The following SNX10 variants were observed in gnomAD, a reference collection of about 807,000 sequenced individuals.
The protein encoded by SNX10 is sorting nexin-10.
In SNX10, 25 loss-of-function variants were observed where a neutral mutation model predicts 28.5. That is an observed-to-expected ratio of 0.88 (90% CI 0.64 to 1.22). SNX10 has a LOEUF of 1.22. Ranked by LOEUF, SNX10 falls within the 50% of genes most tolerant of loss-of-function variation. The pLI is 0.00. For synonymous variants in SNX10, 62 were observed against 81.4 expected, an observed-to-expected ratio of 0.76 and a Z score of 1.28; for missense variants, 223 against 242.6, an observed-to-expected ratio of 0.92 and a Z score of 0.54.
chr7:26,372,975 T>C lies in SNX10; in HGVS notation c.*403T>C, dbSNP rs1460961833. Reference sequence around the variant, plus strand: ...AGTGTTACCATAAACACGGTGTATATGTTGTTAAACCCTATGAAGAGTAAC... The same window carrying C: ...AGTGTTACCATAAACACGGTGTATACGTTGTTAAACCCTATGAAGAGTAAC... On this transcript the variant is annotated 3_prime_UTR_variant, in exon 7 of 7. Coordinates refer to ENST00000338523, the MANE Select transcript of SNX10 (RefSeq NM_013322.3). 5.6e-6 allele frequency: 1 copy of C among 179,308 alleles called. No homozygotes were observed. The highest frequency in any genetic ancestry group is 1.2e-5 in the Non-Finnish European group (1 of 84,322). 11.1% of individuals were successfully genotyped at this position (179,308 alleles called of 1,614,324 possible). A position where few individuals can be genotyped will look rare whatever the true frequency, so the allele number is the denominator to read the frequency against.
chr7:26,351,924 G>A (rs1166276660), intron 2 of SNX10, among the ~76,000 whole-genome samples: 2 of 152,042 alleles, frequency 1.3e-5, no homozygotes, highest in African/African-American at 4.8e-5. Flanking sequence ...CCAAAGTGCT[G>A]GGATTACAGG....
intron 1 of SNX10, among the ~76,000 whole-genome samples, chr7:26,305,457 G>A (rs1214347007): frequency 6.6e-6 from 1 of 152,202 alleles, no homozygotes; most frequent in African/African-American, 2.4e-5. Context: ...GTTTGGAAGA[G>A]CTGGGGAGAA....
intron 2 of SNX10, among the ~76,000 whole-genome samples, chr7:26,347,516 G>A (rs1041903841): frequency 1.3e-5 from 2 of 152,128 alleles, no homozygotes; most frequent in Non-Finnish European, 2.9e-5. Flanking sequence ...CTTCAGCCCC[G>A]GCGACAGAGC....
At chr7:26,341,110 C>T (rs1304093036) in intron 1 of SNX10, among the ~76,000 whole-genome samples, 1 of 152,008 alleles carries the variant, frequency 6.6e-6, no homozygotes, top group Non-Finnish European at 1.5e-5. Context: ...CCAGCCTGGG[C>T]AACATAGGGA....
At chr7:26,304,536 C>T (rs1363948601) in intron 1 of SNX10, among the ~76,000 whole-genome samples, 3 of 152,114 alleles carry the variant, frequency 2.0e-5, no homozygotes, top group Non-Finnish European at 4.4e-5. Flanking sequence ...GGGGTGTGGG[C>T]AGATGGGAGA....
At chr7:26,366,812 T>C (rs546965165) in intron 5 of SNX10, among the ~76,000 whole-genome samples, 2 of 152,394 alleles carry the variant, frequency 1.3e-5, no homozygotes, top group Non-Finnish European at 2.9e-5. Flanking sequence ...TTCGTTGTTT[T>C]GAACACAACC....
chr7:26,337,793 T>G lies in SNX10; in HGVS notation c.-23-8627T>G, dbSNP rs552962883. ...GGATGTGGACCCACAAATAGCTCTT[T>G]GAGAGCCTGCTTTCAGCTCTTTTGG... On this transcript the variant is annotated intron_variant, in intron 1 of 6. Coordinates refer to ENST00000338523, the MANE Select transcript of SNX10 (RefSeq NM_013322.3). 2.0e-5 allele frequency among the ~76,000 whole-genome samples: 3 copies of G among 152,350 alleles called. No individual in the cohort carries two copies. The East Asian group carries it at 5.8e-4, about 29-fold the overall frequency.
At chr7:26,324,461 G>A (rs1787425775) in intron 1 of SNX10, among the ~76,000 whole-genome samples, 1 of 152,168 alleles carries the variant, frequency 6.6e-6, no homozygotes, top group South Asian at 2.1e-4. Flanking sequence ...TCTGTCTCAC[G>A]TGATCTTCCC....
chr7:26,352,773 G>A (rs985819719), intron 2 of SNX10, among the ~76,000 whole-genome samples: 1 of 152,054 alleles, frequency 6.6e-6, no homozygotes, highest in Non-Finnish European at 1.5e-5. Context: ...TATATACTTG[G>A]TTGTTCTAAT....
intron 1 of SNX10, among the ~76,000 whole-genome samples, chr7:26,335,401 G>A (rs536787420): frequency 1.3e-5 from 2 of 152,264 alleles, no homozygotes; most frequent in East Asian, 3.9e-4. Context: ...GTTCAAGTAC[G>A]AGGAGGGAGC....
chr7:26,365,000 C>CACCTTAGTTA lies in SNX10; in HGVS notation c.213-42_213-41insAGTTAACCTT. The CACCTTAGTTA allele has an allele frequency of 8.7e-7, 1 of 1,145,262 alleles. No homozygotes were observed. The highest frequency in any genetic ancestry group is 1.3e-6 in the Non-Finnish European group (1 of 756,478). 70.9% of individuals were successfully genotyped at this position (1,145,262 alleles called of 1,614,324 possible). ...CTTTGAGGGATTTCTGTAACAGAAGCACCTTGAGTTAATCATTTAAAAACA... is the reference window on the plus strand; with the variant it reads ...CTTTGAGGGATTTCTGTAACAGAAGCACCTTAGTTAACCTTGAGTTAATCATTTAAAAACA... On this transcript the variant is annotated intron_variant, in intron 4 of 6. Transcript: ENST00000338523. This position sits in a 1 kb window ranked among gnomAD's most constrained non-coding sequence, Gnocchi z 4.9.
intron 5 of SNX10, among the ~76,000 whole-genome samples, chr7:26,369,889 T>C (rs1279794697): frequency 6.6e-6 from 1 of 152,218 alleles, no homozygotes; most frequent in Non-Finnish European, 1.5e-5. Context: ...GTTAAGTTAC[T>C]AGCAAGTTAA....
intron 1 of SNX10, among the ~76,000 whole-genome samples, chr7:26,344,317 G>A (rs150053060): frequency 6.6e-5 from 10 of 152,040 alleles, no homozygotes; most frequent in African/African-American, 1.7e-4. Context: ...GACCACGGGC[G>A]TGCCATGACT....
At chr7:26,316,747 G>C (rs941520301) in intron 1 of SNX10, among the ~76,000 whole-genome samples, 1 of 152,166 alleles carries the variant, frequency 6.6e-6, no homozygotes, top group African/African-American at 2.4e-5. Flanking sequence ...AGCAGGATTT[G>C]AGCCCAGGGA....
At chr7:26,358,711 C>T (rs1270498787) in intron 2 of SNX10, among the ~76,000 whole-genome samples, 1 of 151,646 alleles carries the variant, frequency 6.6e-6, no homozygotes, top group Non-Finnish European at 1.5e-5. Context: ...TACCACTGCA[C>T]TCCAGTCTGG....
At chr7:26,311,766 C>A (rs575304355) in intron 1 of SNX10, among the ~76,000 whole-genome samples, 1 of 152,236 alleles carries the variant, frequency 6.6e-6, no homozygotes, top group East Asian at 1.9e-4. Context: ...AATTGGATTA[C>A]TGTGTGGCCC....
chr7:26,343,567 A>G lies in SNX10; in HGVS notation c.-23-2853A>G, dbSNP rs116394846. On this transcript the variant is annotated intron_variant, in intron 1 of 6. Transcript: ENST00000338523. ...AGTTAATGGCACCAGGGGACTGCAC[A>G]GCACGCGGTTGTGTAATGGGGCAGA... Among the ~76,000 whole-genome samples, 969 of 152,348 alleles carry G rather than the reference A, an allele frequency of 6.4e-3. 9 individuals are homozygous for G. The highest frequency in any genetic ancestry group is 0.022 in the African/African-American group (912 of 41,582).
rs77440072 is a variant in SNX10 at position 26,299,713 on chromosome 7, C to T, written c.-24+7627C>T. ...TGCTGGGATTACAGGTGTGAGCCAC[C>T]GCATCTGGCCTATATTTCTATTTTT... On this transcript the variant is annotated intron_variant, in intron 1 of 6. Transcript: ENST00000338523. 5.5e-4 allele frequency among the ~76,000 whole-genome samples: 84 copies of T among 152,024 alleles called. 1 individual carries two copies. Among genetic ancestry groups the T allele is most frequent in the African/African-American group, 1.7e-3 (71 of 41,486 alleles).
chr7:26,314,905 T>A (rs1033553391), intron 1 of SNX10, among the ~76,000 whole-genome samples: 6 of 151,812 alleles, frequency 4.0e-5, no homozygotes, highest in African/African-American at 1.5e-4. Context: ...GGCTGAGGCA[T>A]GAGAATCACT....
Sources: allele counts gnomAD v4.1 joint callset (sites outside exome capture counted in the v4.1 genomes callset), GRCh38; gene constraint gnomAD v4.1.1; non-coding constraint Gnocchi (gnomAD v3.1); transcripts MANE v1.5; gene names NCBI Gene and HGNC (gene_info 2026-07-23, HGNC 2026-07-21).